Variants in GYS1 observed in about 807,000 individuals in gnomAD.
GYS1 encodes the protein glycogen [starch] synthase, muscle.
GYS1 carries 60 observed loss-of-function variants against 89.1 expected under a neutral mutation model. That is an observed-to-expected ratio of 0.67 (90% CI 0.55 to 0.84). The LOEUF is 0.84. GYS1 is among the 40% of genes least tolerant of loss of function. GYS1 has a pLI of 0.00. For synonymous variants in GYS1, 366 were observed against 401.7 expected, an observed-to-expected ratio of 0.91 and a Z score of 1.06; for missense variants, 888 against 1,003.1, an observed-to-expected ratio of 0.89 and a Z score of 1.55.
At chr19:48,978,798 G>A (rs894824119) in intron 8 of GYS1, among the ~76,000 whole-genome samples, 1 of 152,072 alleles carries the variant, frequency 6.6e-6, no homozygotes. Flanking sequence ...GCCTCCCAAA[G>A]TGCTGGAATT....
At position 48,974,323 on chromosome 19, in the gene GYS1, T is replaced by G; in HGVS notation, c.1439A>C (p.Glu480Ala). ...CAGGGGGCTTGTGGAGGAGAGGAAC[T>G]CCGGGTGGAAAATCACCTGGTAGTG... Reference protein sequence around the residue: ...ADRVKVIFHPEFLSSTSPLLP... With the variant: ...ADRVKVIFHPAFLSSTSPLLP... Residue 480 changes from glutamate (E) to alanine (A), a missense_variant, in exon 12 of 16, where the codon GAG (glutamate) becomes GCG (alanine). Glu to Ala is a moderately radical substitution (Grantham distance 107, BLOSUM62 -1). Transcript: ENST00000323798. The G allele has an allele frequency of 6.2e-7, 1 of 1,614,004 alleles. No individual in the cohort carries two copies. Among genetic ancestry groups the G allele is most frequent in the Non-Finnish European group, 8.5e-7 (1 of 1,179,954 alleles).
chr19:48,969,293 T>C lies in GYS1; in HGVS notation c.2209A>G (p.Asn737Asp). ...SPTSSLGEER[N>D] ...GGGAGTGTGGTGGGGCGGACTTAGTTACGCTCCTCGCCCAGGGAGCTGGTG... is the reference window on the plus strand; with the variant it reads ...GGGAGTGTGGTGGGGCGGACTTAGTCACGCTCCTCGCCCAGGGAGCTGGTG... Residue 737 changes from asparagine to aspartate, a missense_variant, in exon 16 of 16, where the codon AAC becomes GAC. Physicochemically the swap from Asn to Asp is conservative, Grantham distance 23. Coordinates refer to ENST00000323798, the MANE Select transcript of GYS1 (RefSeq NM_002103.5). 2 of 1,552,028 alleles carry C rather than the reference T, an allele frequency of 1.3e-6. No homozygotes were observed. Among genetic ancestry groups the C allele is most frequent in the Non-Finnish European group, 1.7e-6 (2 of 1,156,268 alleles).
intron 1 of GYS1, 135 bp downstream of exon 1, chr19:48,992,860 C>A: frequency 1.4e-6 from 1 of 695,774 alleles, no homozygotes; most frequent in Non-Finnish European, 2.6e-6. Flanking sequence ...TTCCCAGCCC[C>A]TCCTCAAGGA....
At chr19:48,992,853 C>T (rs922920953) in intron 1 of GYS1, 142 bp downstream of exon 1, 19 of 680,662 alleles carry the variant, frequency 2.8e-5, no homozygotes, top group Admixed American at 2.5e-4. Flanking sequence ...CTCCGGCTTC[C>T]CAGCCCCTCC....
intron 14 of GYS1, 124 bp downstream of exon 14, chr19:48,970,422 C>G (rs1407363599): frequency 1.2e-6 from 1 of 831,310 alleles, no homozygotes; most frequent in Admixed American, 2.0e-5. Flanking sequence ...CGCGATCGGC[C>G]TGGTTCATTG....
In GYS1 at chr19:48,969,835, G is replaced by A. The variant is rs774790255; in HGVS notation, c.1830C>T (p.His610=). The change falls in exon 15 of 16, where the codon CAC becomes CAT. Residue 610 remains histidine (H), a synonymous_variant. Transcript: ENST00000323798. ...CTGGAAAGGCCTTGGACAGCGCCAT[G>A]TGGCGCGCAGACATATAGTACTAGG... is the stretch of plus-strand genomic sequence containing the variant. ...YLGRYYMSAR[H]MALSKAFPEH... The A allele has an allele frequency of 6.2e-7, 1 of 1,613,628 alleles. No individual in the cohort carries two copies. Among genetic ancestry groups the A allele is most frequent in the Non-Finnish European group, 8.5e-7 (1 of 1,179,728 alleles).
intron 7 of GYS1, 84 bp downstream of exon 7, chr19:48,982,171 G>A: frequency 7.1e-7 from 1 of 1,400,762 alleles, no homozygotes; most frequent in Non-Finnish European, 1.0e-6. Flanking sequence ...GGGATTACAG[G>A]TGTGAGCCAC....
intron 10 of GYS1, among the ~76,000 whole-genome samples, chr19:48,977,418 T>C (rs776894722): frequency 3.3e-5 from 5 of 151,678 alleles, no homozygotes; most frequent in Non-Finnish European, 5.9e-5. Flanking sequence ...CATGGTGAAA[T>C]CTCGTTTCTA....
chr19:48,972,933 G>C (rs1343541111), intron 12 of GYS1, among the ~76,000 whole-genome samples: 1 of 152,090 alleles, frequency 6.6e-6, no homozygotes, highest in Non-Finnish European at 1.5e-5. Context: ...AGGAGTTCCA[G>C]GTGAGCCTTG....
intron 10 of GYS1, among the ~76,000 whole-genome samples, chr19:48,976,433 T>C (rs772866080): frequency 6.6e-6 from 1 of 152,002 alleles, no homozygotes; most frequent in Non-Finnish European, 1.5e-5. Flanking sequence ...GCCCCTAGAC[T>C]CAATAGAATG....
intron 3 of GYS1, 150 bp from the exon 4 acceptor site, chr19:48,986,185 A>C (rs1242583343): frequency 8.1e-6 from 6 of 738,684 alleles, no homozygotes; most frequent in Non-Finnish European, 1.4e-5. Flanking sequence ...TCCCAACCGG[A>C]CAGGGACCTG....
chr19:48,981,387 T>C, intron 8 of GYS1, 143 bp downstream of exon 8: 1 of 680,654 alleles, frequency 1.5e-6, no homozygotes, highest in Admixed American at 2.1e-5. Context: ...CACTCCAGCC[T>C]GGGCGACAGA....
intron 10 of GYS1, 78 bp from the exon 11 acceptor site, chr19:48,974,811 C>T (rs1481687995): frequency 9.9e-7 from 1 of 1,005,648 alleles, no homozygotes; most frequent in East Asian, 2.4e-5. Context: ...CATGCGGACC[C>T]TGGGGGAGCC....
intron 8 of GYS1, among the ~76,000 whole-genome samples, chr19:48,979,951 TTTTA>T (rs969409563): frequency 8.5e-5 from 13 of 152,142 alleles, no homozygotes; most frequent in African/African-American, 3.1e-4. Context: ...CCGACTTCTT[TTTTA>T]TTTTTTTGAG....
At position 48,982,386 on chromosome 19, in the gene GYS1, C is replaced by T; in HGVS notation, c.942-11G>A. On this transcript the variant is annotated splice_polypyrimidine_tract_variant and intron_variant, in intron 6 of 15. Coordinates refer to ENST00000323798, the MANE Select transcript of GYS1 (RefSeq NM_002103.5). ...TTGAAGTCCAGATGCCTAAAGAACC[C>T]ACAAGGCACGGTAAAGCCCAAAGCC... The T allele has an allele frequency of 1.9e-6, 3 of 1,613,698 alleles. No homozygotes were observed. Among genetic ancestry groups the T allele is most frequent in the Non-Finnish European group, 2.5e-6 (3 of 1,179,822 alleles).
At chr19:48,970,842 C>A in intron 13 of GYS1, 86 bp downstream of exon 13, 1 of 1,405,316 alleles carries the variant, frequency 7.1e-7, no homozygotes, top group South Asian at 1.2e-5. Flanking sequence ...CCCTGGTCTC[C>A]AAGGGTGCAA....
At position 48,970,592 on chromosome 19, in the gene GYS1, C is replaced by T; in HGVS notation, c.1763G>A (p.Arg588His). 6.2e-7 allele frequency: 1 copy of T among 1,613,570 alleles called. No individual in the cohort carries two copies. Among genetic ancestry groups the T allele is most frequent in the Non-Finnish European group, 8.5e-7 (1 of 1,179,690 alleles). The change falls in exon 14 of 16, where the codon CGC becomes CAC. Residue 588 changes from arginine (R) to histidine (H), a missense_variant. Arg to His is a conservative substitution (Grantham distance 29, BLOSUM62 0). Coordinates refer to ENST00000323798, the MANE Select transcript of GYS1 (RefSeq NM_002103.5). The stretch of plus-strand genomic sequence containing the variant: ...CAGAAGGTCGGAGAGGCGCTCCGTG[C>T]GGTTCCGCTGGATGATACGCTGCCG... The part of the protein sequence containing the change: ...SRRQRIIQRN[R>H]TERLSDLLDW...
At chr19:48,973,915 G>A (rs2038603859) in intron 12 of GYS1, among the ~76,000 whole-genome samples, 2 of 152,144 alleles carry the variant, frequency 1.3e-5, no homozygotes, top group Admixed American at 1.3e-4. Flanking sequence ...GGCCACACTC[G>A]GCTGTATTTG....
chr19:48,977,373 A>G lies in GYS1; in HGVS notation c.1308+551T>C, dbSNP rs142660412. Among the ~76,000 whole-genome samples, 1,279 of 152,282 alleles carry G rather than the reference A, an allele frequency of 8.4e-3. 8 individuals are homozygous for G. Among genetic ancestry groups the G allele is most frequent in the South Asian group, 0.029 (140 of 4,828 alleles). On this transcript the variant is annotated intron_variant, in intron 10 of 15. Coordinates refer to ENST00000323798, the MANE Select transcript of GYS1 (RefSeq NM_002103.5). ...TTTGGGAGGCTGAGGCAGACAGAAC[A>G]CTTGAGGTCAGGAGCTTGAGACTGG...
Sources: allele counts gnomAD v4.1 joint callset (sites outside exome capture counted in the v4.1 genomes callset), GRCh38; gene constraint gnomAD v4.1.1; transcripts MANE v1.5; gene names NCBI Gene and HGNC (gene_info 2026-07-23, HGNC 2026-07-21).